Variants in PHLPP1 observed in about 807,000 individuals in gnomAD.
PHLPP1 encodes the protein PH domain and leucine rich repeat protein phosphatase 1.
PHLPP1 carries 42 observed loss-of-function variants against 117.2 expected under a neutral mutation model. The ratio of observed to expected loss-of-function variants is 0.36; its 90% CI spans 0.28 to 0.46. The LOEUF (loss-of-function observed/expected upper bound fraction) is 0.46. PHLPP1 is among the 20% of genes least tolerant of loss of function. The pLI is 1.00. For missense variants in PHLPP1, 2,084 were observed against 2,241.9 expected, an observed-to-expected ratio of 0.93 and a Z score of 1.42; for synonymous variants, 1,042 against 970.7, an observed-to-expected ratio of 1.07 and a Z score of -1.37.
intron 9 of PHLPP1, among the ~76,000 whole-genome samples, chr18:62,917,091 C>G (rs1011868660): frequency 6.6e-6 from 1 of 150,894 alleles, no homozygotes; most frequent in Non-Finnish European, 1.5e-5. Context: ...ACCTCCACCC[C>G]TCAATCCCAC....
intron 2 of PHLPP1, among the ~76,000 whole-genome samples, chr18:62,834,077 C>T (rs1336882898): frequency 1.3e-5 from 2 of 152,104 alleles, no homozygotes; most frequent in African/African-American, 4.8e-5. Context: ...TTATTTCTCA[C>T]ATTGTCTGTT....
intron 1 of PHLPP1, among the ~76,000 whole-genome samples, chr18:62,718,034 T>C (rs1255576323): frequency 2.0e-5 from 3 of 152,248 alleles, no homozygotes. Flanking sequence ...TCCTGAAATC[T>C]TCCCCCGTCT....
intron 3 of PHLPP1, 46 bp downstream of exon 3, chr18:62,838,955 T>G: frequency 6.2e-7 from 1 of 1,606,736 alleles, no homozygotes; most frequent in South Asian, 1.1e-5. Flanking sequence ...TCTAGCTGGC[T>G]ACAAAGTTCC....
intron 1 of PHLPP1, among the ~76,000 whole-genome samples, chr18:62,761,103 A>G (rs1412295640): frequency 2.6e-5 from 4 of 151,756 alleles, no homozygotes; most frequent in African/African-American, 9.7e-5. Context: ...GAGCTCAAGC[A>G]ATCTGCCCGC....
At chr18:62,746,521 AGTTT>A (rs1350352122) in intron 1 of PHLPP1, among the ~76,000 whole-genome samples, 1 of 152,156 alleles carries the variant, frequency 6.6e-6, no homozygotes, top group Non-Finnish European at 1.5e-5. Flanking sequence ...CAATTAATTT[AGTTT>A]GTTTTGCCCA....
At chr18:62,860,680 C>T in intron 4 of PHLPP1, 79 bp downstream of exon 4, 1 of 1,199,470 alleles carries the variant, frequency 8.3e-7, no homozygotes, top group Non-Finnish European at 1.2e-6. Context: ...CTTGAATATT[C>T]TCATGAAAAA....
intron 6 of PHLPP1, among the ~76,000 whole-genome samples, chr18:62,897,351 G>C (rs550268862): frequency 1.1e-4 from 16 of 152,250 alleles, no homozygotes; most frequent in Admixed American, 3.9e-4. Flanking sequence ...ATCACCTACA[G>C]GATATTTAAA....
At chr18:62,788,058 A>G (rs906037041) in intron 1 of PHLPP1, among the ~76,000 whole-genome samples, 2 of 152,188 alleles carry the variant, frequency 1.3e-5, no homozygotes, top group Non-Finnish European at 2.9e-5. Context: ...GTTTTATGTT[A>G]TTTGATTTTT....
intron 3 of PHLPP1, among the ~76,000 whole-genome samples, chr18:62,855,933 A>C (rs1384712498): frequency 2.0e-5 from 3 of 152,226 alleles, no homozygotes; most frequent in African/African-American, 7.2e-5. Flanking sequence ...GGTCCTCCCA[A>C]GTACTCAACG....
intron 1 of PHLPP1, among the ~76,000 whole-genome samples, chr18:62,788,351 CAG>C (rs901538928): frequency 8.5e-5 from 13 of 152,116 alleles, no homozygotes; most frequent in Non-Finnish European, 1.3e-4. Flanking sequence ...TTGTCAGAGA[CAG>C]AGACTAAGCA....
intron 4 of PHLPP1, among the ~76,000 whole-genome samples, chr18:62,866,571 T>A (rs144102136): frequency 1.3e-3 from 199 of 152,298 alleles, no homozygotes; most frequent in African/African-American, 4.5e-3. Context: ...TAAAACGCTG[T>A]ATAGTTAATG....
rs770054324 is a variant in PHLPP1 at position 62,716,978 on chromosome 18, A to G, written c.1295A>G (p.Glu432Gly). The G allele has an allele frequency of 9.1e-6, 14 of 1,541,130 alleles. No homozygotes were observed. The South Asian group carries it at 1.7e-4, about 18-fold the overall frequency. The change falls in exon 1 of 17, where the codon GAG (glutamate) becomes GGG (glycine). Residue 432 changes from glutamate (E) to glycine (G), a missense_variant. Coordinates refer to ENST00000262719, the MANE Select transcript of PHLPP1 (RefSeq NM_194449.4). The surrounding 1 kb of genome is among the most constrained non-coding windows in gnomAD (Gnocchi z 5.7). The part of the protein sequence containing the change: ...AIDSPGGAVR[E>G]GSCEEKAAAA... Reference sequence around the variant, plus strand: ...GACAGCCCGGGCGGGGCCGTCCGCGAGGGGTCGTGCGAGGAGAAGGCAGCG... The same window carrying G: ...GACAGCCCGGGCGGGGCCGTCCGCGGGGGGTCGTGCGAGGAGAAGGCAGCG...
intron 4 of PHLPP1, among the ~76,000 whole-genome samples, chr18:62,871,024 A>G (rs919600259): frequency 6.6e-6 from 1 of 152,150 alleles, no homozygotes; most frequent in Non-Finnish European, 1.5e-5. Flanking sequence ...CTCTTTTATT[A>G]ATAGTGCTTC....
At chr18:62,883,917 C>A (rs1488856117) in intron 4 of PHLPP1, among the ~76,000 whole-genome samples, 1 of 152,144 alleles carries the variant, frequency 6.6e-6, no homozygotes, top group Non-Finnish European at 1.5e-5. Flanking sequence ...TTTTCAGAGT[C>A]TCTTGGATTT....
At chr18:62,851,928 G>A (rs183148696) in intron 3 of PHLPP1, among the ~76,000 whole-genome samples, 3 of 151,742 alleles carry the variant, frequency 2.0e-5, no homozygotes, top group Admixed American at 1.3e-4. Flanking sequence ...CCATGCTGGA[G>A]GGCAGTGGCA....
intron 1 of PHLPP1, among the ~76,000 whole-genome samples, chr18:62,750,107 C>G (rs1911799629): frequency 6.6e-6 from 1 of 152,096 alleles, no homozygotes; most frequent in Non-Finnish European, 1.5e-5. Context: ...TCATTTTAAC[C>G]TTATCACCCC....
chr18:62,750,290 A>G (rs371079235), intron 1 of PHLPP1, among the ~76,000 whole-genome samples: 18 of 152,286 alleles, frequency 1.2e-4, no homozygotes, highest in Admixed American at 7.8e-4. Flanking sequence ...CTGGAGATAC[A>G]TACAGAAGTA....
intron 1 of PHLPP1, among the ~76,000 whole-genome samples, chr18:62,743,085 T>G (rs934365128): frequency 6.6e-6 from 1 of 152,152 alleles, no homozygotes. Context: ...TTTTTACACT[T>G]TTTATCCATA....
intron 4 of PHLPP1, among the ~76,000 whole-genome samples, chr18:62,865,391 T>A (rs1319239307): frequency 6.6e-6 from 1 of 152,214 alleles, no homozygotes; most frequent in East Asian, 1.9e-4. Context: ...TTTTTTCTTT[T>A]TGGCTGAAAG....
Sources: gnomAD v4.1 joint callset for allele counts (sites outside exome capture counted in the v4.1 genomes callset) on GRCh38, gnomAD v4.1.1 for gene constraint, Gnocchi (gnomAD v3.1) non-coding constraint, MANE v1.5 for transcripts, NCBI Gene and HGNC (gene_info 2026-07-23, HGNC 2026-07-21) for gene names.